CIMIP5: variants seen among roughly 807,000 people sequenced by gnomAD.
The protein encoded by CIMIP5 is uncharacterized protein C2orf50.
the CIMIP5 span, among the ~76,000 whole-genome samples, chr2:11,133,957 A>G: frequency 6.6e-6 from 1 of 152,172 alleles, no homozygotes; most frequent in Non-Finnish European, 1.5e-5. Context: ...CATTCAACCA[A>G]AAATACCCAT....
the CIMIP5 span, among the ~76,000 whole-genome samples, chr2:11,142,170 G>A: frequency 6.6e-6 from 1 of 150,894 alleles, no homozygotes; most frequent in African/African-American, 2.4e-5. Flanking sequence ...GGAGGCTGAG[G>A]CAGGAGAATA....
chr2:11,142,266 CAAAAAAAAA>C, the CIMIP5 span, among the ~76,000 whole-genome samples: 1 of 84,654 alleles, frequency 1.2e-5, no homozygotes, highest in Non-Finnish European at 2.4e-5. Context: ...AATTCAGTCT[CAAAAAAAAA>C]AAAAAAAAAA....
chr2:11,140,647 C>T, the CIMIP5 span: 3 of 947,046 alleles, frequency 3.2e-6, no homozygotes, highest in South Asian at 6.3e-5. Context: ...TACTCTACAC[C>T]AGATACTGGA....
At chr2:11,151,563 AG>A in the CIMIP5 span, among the ~76,000 whole-genome samples, 1 of 152,246 alleles carries the variant, frequency 6.6e-6, no homozygotes, top group Non-Finnish European at 1.5e-5. Flanking sequence ...GGGAGATTGG[AG>A]CTTAATTATT....
the CIMIP5 span, chr2:11,133,620 T>G: frequency 1.9e-6 from 3 of 1,558,424 alleles, no homozygotes; most frequent in African/African-American, 4.1e-5. Context: ...TTTTCCACCC[T>G]GACTCCGCAG....
the CIMIP5 span, among the ~76,000 whole-genome samples, chr2:11,135,305 C>T: frequency 9.1e-3 from 1,390 of 152,324 alleles, 24 homozygotes; most frequent in African/African-American, 0.032. Context: ...GGCACCATTT[C>T]GCATTCCCAT....
the CIMIP5 span, among the ~76,000 whole-genome samples, chr2:11,153,924 C>CAA: frequency 0.042 from 5,880 of 139,300 alleles, 396 homozygotes; most frequent in African/African-American, 0.15. Context: ...AACTCCGTCT[C>CAA]AAAAAAAAAA....
At chr2:11,147,600 T>G in the CIMIP5 span, among the ~76,000 whole-genome samples, 2 of 152,216 alleles carry the variant, frequency 1.3e-5, no homozygotes, top group Non-Finnish European at 2.9e-5. Flanking sequence ...TCTCATTCTC[T>G]TGGACTGAAA....
the CIMIP5 span, chr2:11,140,542 A>G: frequency 1.3e-6 from 2 of 1,572,588 alleles, no homozygotes; most frequent in South Asian, 1.2e-5. Context: ...AAAGACTATG[A>G]CCCAATGGTA....
the CIMIP5 span, among the ~76,000 whole-genome samples, chr2:11,135,696 C>T: frequency 1.8e-3 from 259 of 146,036 alleles, no homozygotes; most frequent in African/African-American, 6.2e-3. Context: ...GAGTCTCACT[C>T]TGTTGCCCAG....
the CIMIP5 span, among the ~76,000 whole-genome samples, chr2:11,153,433 A>G: frequency 2.6e-5 from 4 of 152,348 alleles, no homozygotes; most frequent in African/African-American, 9.6e-5. Flanking sequence ...CTGGGGGCCC[A>G]GATCCTGGCC....
chr2:11,140,686 G>A, the CIMIP5 span: 1 of 564,966 alleles, frequency 1.8e-6, no homozygotes. Flanking sequence ...ATACACTCTT[G>A]TTTCAAGGAA....
chr2:11,150,725 G>T, the CIMIP5 span, among the ~76,000 whole-genome samples: 1 of 151,886 alleles, frequency 6.6e-6, no homozygotes, highest in Admixed American at 6.6e-5. Context: ...TAAGGGAAAA[G>T]TCAAGCTGGG....
At chr2:11,145,010 G>A in the CIMIP5 span, 2 of 151,358 alleles carry the variant, frequency 1.3e-5, no homozygotes, top group African/African-American at 4.9e-5. Flanking sequence ...TCCAGACAGA[G>A]TCTCGCACTG....
chr2:11,144,226 T>G, the CIMIP5 span: 1 of 836,598 alleles, frequency 1.2e-6, no homozygotes, highest in Non-Finnish European at 1.8e-6. Flanking sequence ...CTGCACTGTC[T>G]GTAAGCTGCA....
chr2:11,138,135 C>T, the CIMIP5 span, among the ~76,000 whole-genome samples: 3 of 152,190 alleles, frequency 2.0e-5, no homozygotes, highest in Admixed American at 6.5e-5. Flanking sequence ...TGAGCCACCG[C>T]GCCTGGCAGA....
chr2:11,144,073 C>G, the CIMIP5 span: 2 of 1,599,100 alleles, frequency 1.3e-6, no homozygotes, highest in Non-Finnish European at 1.7e-6. Context: ...AGAAGGGGCC[C>G]GGAAGAAGAA....
At chr2:11,146,716 T>C in the CIMIP5 span, 5 of 152,216 alleles carry the variant, frequency 3.3e-5, no homozygotes, top group Admixed American at 6.5e-5. Context: ...GTGTCTGACA[T>C]GGAAGCTGGG....
the CIMIP5 span, chr2:11,146,421 A>T: frequency 6.6e-6 from 1 of 152,134 alleles, no homozygotes; most frequent in South Asian, 2.1e-4. Flanking sequence ...AAATTTAGCA[A>T]ATTACAGGAT....
Sources: gnomAD v4.1 joint callset for allele counts (sites outside exome capture counted in the v4.1 genomes callset) on GRCh38, gnomAD v4.1.1 for gene constraint, MANE v1.5 for transcripts, NCBI Gene and HGNC (gene_info 2026-07-23, HGNC 2026-07-21) for gene names.